The following ADCY3 variants were observed in gnomAD, a reference collection of about 807,000 sequenced individuals.
The protein encoded by ADCY3 is adenylate cyclase 3, also known as adenylate cyclase type 3.
Under a neutral mutation model 119.4 loss-of-function variants are expected in ADCY3, and 70 were observed. The ratio of observed to expected loss-of-function variants is 0.59; its 90% CI spans 0.48 to 0.72. The LOEUF is 0.72. ADCY3 is among the 30% of genes least tolerant of loss of function. The pLI, the probability that ADCY3 is intolerant of heterozygous loss-of-function variation, is 0.00. For missense variants in ADCY3, 1,238 were observed against 1,541.6 expected, an observed-to-expected ratio of 0.80 and a Z score of 3.30; for synonymous variants, 672 against 621.4, an observed-to-expected ratio of 1.08 and a Z score of -1.21.
At chr2:24,865,890 G>A (rs1572930822) in intron 3 of ADCY3, among the ~76,000 whole-genome samples, 2 of 152,116 alleles carry the variant, frequency 1.3e-5, no homozygotes, top group Non-Finnish European at 2.9e-5. Flanking sequence ...TTTCCCTTGC[G>A]ACCAGGGTCG....
In ADCY3 at chr2:24,838,715, T is replaced by C. The variant is rs1198190288; in HGVS notation, c.1356-93A>G. 1.9e-6 allele frequency: 3 copies of C among 1,590,122 alleles called. No individual in the cohort carries two copies. In the African/African-American group the frequency reaches 4.0e-5, roughly 21 times the overall value. ...CACGGACCACGGCTGCACCGGCTGC[T>C]GCTCGGCCCCGTGTCTCTCGGGCAT... On this transcript the variant is annotated intron_variant, in intron 7 of 21. Coordinates refer to ENST00000679454, the MANE Select transcript of ADCY3 (RefSeq NM_004036.5).
intron 2 of ADCY3, among the ~76,000 whole-genome samples, chr2:24,903,469 C>A (rs891885313): frequency 4.6e-5 from 7 of 152,122 alleles, no homozygotes; most frequent in Admixed American, 6.6e-5. Context: ...GTCTGCGCTT[C>A]CCGGGGGGAG....
intron 2 of ADCY3, among the ~76,000 whole-genome samples, chr2:24,913,079 CG>C (rs1663996555): frequency 6.6e-6 from 1 of 152,252 alleles, no homozygotes; most frequent in Non-Finnish European, 1.5e-5. Flanking sequence ...GCTTCTTTCC[CG>C]TCCCGGGTCA....
chr2:24,829,765 GA>G (rs144052640), intron 13 of ADCY3, among the ~76,000 whole-genome samples: 1 of 150,600 alleles, frequency 6.6e-6, no homozygotes, highest in East Asian at 1.9e-4. Flanking sequence ...CATTATATTT[GA>G]AAAAAAAGGA....
intron 2 of ADCY3, among the ~76,000 whole-genome samples, chr2:24,902,534 T>C (rs1305120165): frequency 1.3e-5 from 2 of 152,098 alleles, no homozygotes; most frequent in Non-Finnish European, 2.9e-5. Flanking sequence ...TCTGTTAAGG[T>C]ACCATAGCTC....
chr2:24,849,986 C>G (rs1429947379), intron 3 of ADCY3, among the ~76,000 whole-genome samples: 1 of 152,194 alleles, frequency 6.6e-6, no homozygotes, highest in Admixed American at 6.5e-5. Flanking sequence ...CTGTCCCCCA[C>G]TGCTCTCCTT....
chr2:24,902,425 G>A (rs1342794826), intron 2 of ADCY3, among the ~76,000 whole-genome samples: 1 of 152,032 alleles, frequency 6.6e-6, no homozygotes, highest in Non-Finnish European at 1.5e-5. Flanking sequence ...GTACAGCTGT[G>A]TGACTACTTC....
chr2:24,834,708 G>C lies in ADCY3; in HGVS notation c.1806-62C>G, dbSNP rs1572837319. ...ACATCTGCCTTGGCCTAGCAGGGGGGCCGTATTTGGGATGCTCAGTTTCCT... is the reference window on the plus strand; with the variant it reads ...ACATCTGCCTTGGCCTAGCAGGGGGCCCGTATTTGGGATGCTCAGTTTCCT... On this transcript the variant is annotated intron_variant, in intron 10 of 21. Transcript: ENST00000679454. This position sits in a 1 kb window ranked among gnomAD's most constrained non-coding sequence, Gnocchi z 4.2. The C allele has an allele frequency of 6.2e-7, 1 of 1,603,166 alleles. No homozygotes were observed. The highest frequency in any genetic ancestry group is 1.3e-5 in the African/African-American group (1 of 74,696).
At position 24,827,610 on chromosome 2, in the gene ADCY3, T is replaced by C; in HGVS notation, c.2433-2A>G. 9 of 1,583,268 alleles carry C rather than the reference T, an allele frequency of 5.7e-6. No homozygotes were observed. The highest frequency in any genetic ancestry group is 7.7e-6 in the Non-Finnish European group (9 of 1,161,512). ...TGCTCTAAGGCCACCATAGGTAAGC[T>C]GTTGGACAGATAACAGCACAGTCAG... On this transcript the variant is annotated splice_acceptor_variant, in intron 14 of 21. Coordinates refer to ENST00000679454, the MANE Select transcript of ADCY3 (RefSeq NM_004036.5). LOFTEE classifies it high-confidence loss of function.
At chr2:24,854,787 C>T (rs1442673660) in intron 3 of ADCY3, among the ~76,000 whole-genome samples, 4 of 152,072 alleles carry the variant, frequency 2.6e-5, no homozygotes, top group South Asian at 2.1e-4. Flanking sequence ...TGGTGGATCA[C>T]GCCTGTAATC....
At position 24,824,455 on chromosome 2, in the gene ADCY3, A is replaced by G; in HGVS notation, c.2659T>C (p.Trp887Arg). The change falls in exon 17 of 22, where the codon TGG (tryptophan) becomes CGG (arginine). Residue 887 changes from tryptophan to arginine, a missense_variant. By Grantham distance (101) the Trp-to-Arg change is moderately radical. Transcript: ENST00000679454. ...ATGTTGGTGACCAAGGCCTCGTTCC[A>G]GCGTCGCATCTCATAGACACGTTCC... ...QKERVYEMRR[W>R]NEALVTNMLP... 3.7e-6 allele frequency: 6 copies of G among 1,614,236 alleles called. No homozygotes were observed. Among genetic ancestry groups the G allele is most frequent in the Non-Finnish European group, 5.1e-6 (6 of 1,180,048 alleles).
At chr2:24,888,334 G>A (rs979829202) in intron 2 of ADCY3, among the ~76,000 whole-genome samples, 6 of 152,190 alleles carry the variant, frequency 3.9e-5, no homozygotes, top group Admixed American at 2.6e-4. Flanking sequence ...CTGCCACCCA[G>A]CTGGACGGCT....
chr2:24,854,882 C>T (rs1162605582), intron 3 of ADCY3, among the ~76,000 whole-genome samples: 4 of 151,954 alleles, frequency 2.6e-5, no homozygotes, highest in African/African-American at 7.3e-5. Flanking sequence ...AAACCCCATC[C>T]CTACTAAAAA....
intron 13 of ADCY3, among the ~76,000 whole-genome samples, chr2:24,829,687 G>A (rs1669187712): frequency 6.6e-6 from 1 of 151,990 alleles, no homozygotes; most frequent in Non-Finnish European, 1.5e-5. Flanking sequence ...CTCCCAAAGT[G>A]CTGGGATTAC....
rs565468933 is a variant in ADCY3 at position 24,891,050 on chromosome 2, A to G, written c.676-18331T>C. 4.6e-5 allele frequency among the ~76,000 whole-genome samples: 7 copies of G among 152,056 alleles called. No individual in the cohort carries two copies. The East Asian group carries it at 1.4e-3, about 29-fold the overall frequency. ...ACACCCAGCAATTTTTTCATATTTT[A>G]GTAGAGATGGGGTTTCGCCATGTTG... is the stretch of plus-strand genomic sequence containing the variant. On this transcript the variant is annotated intron_variant, in intron 2 of 21. Coordinates refer to ENST00000679454, the MANE Select transcript of ADCY3 (RefSeq NM_004036.5).
chr2:24,866,669 C>A (rs1444903376), intron 3 of ADCY3, among the ~76,000 whole-genome samples: 2 of 147,746 alleles, frequency 1.4e-5, no homozygotes, highest in African/African-American at 2.5e-5. Context: ...CAGTCAGGAA[C>A]TTTAAAATAA....
chr2:24,833,175 A>T (rs990911777), intron 11 of ADCY3, among the ~76,000 whole-genome samples: 7 of 152,164 alleles, frequency 4.6e-5, no homozygotes, highest in African/African-American at 1.7e-4. Flanking sequence ...CATATGTCAC[A>T]ACAGGGGACT....
At chr2:24,833,311 C>T (rs570300894) in intron 11 of ADCY3, among the ~76,000 whole-genome samples, 19 of 152,334 alleles carry the variant, frequency 1.2e-4, no homozygotes, top group African/African-American at 4.3e-4. Context: ...GTTCCCAATG[C>T]GATGCCTCCT....
chr2:24,827,840 C>G (rs1470852065), intron 14 of ADCY3, 62 bp downstream of exon 14: 1 of 1,601,840 alleles, frequency 6.2e-7, no homozygotes, highest in South Asian at 1.1e-5. Context: ...TGAGCTTGAA[C>G]TGAGGACTTT....
Sources: gnomAD v4.1 joint callset for allele counts (sites outside exome capture counted in the v4.1 genomes callset) on GRCh38, gnomAD v4.1.1 for gene constraint, Gnocchi (gnomAD v3.1) non-coding constraint, MANE v1.5 for transcripts, NCBI Gene and HGNC (gene_info 2026-07-23, HGNC 2026-07-21) for gene names.